The following WDTC1 variants were observed in gnomAD, a reference collection of about 807,000 sequenced individuals.
WDTC1 encodes the protein WD and tetratricopeptide repeats protein 1.
In WDTC1, 12 loss-of-function variants were observed where a neutral mutation model predicts 76.0. That is an observed-to-expected ratio of 0.16 (90% CI 0.10 to 0.26). WDTC1 has a LOEUF of 0.26. Among genes scored for constraint, WDTC1 ranks in the 10% least tolerant of loss-of-function variants. The probability of loss-of-function intolerance (pLI) is 1.00; values close to 1 mark genes in which losing one functional copy is unlikely to be tolerated. For missense variants in WDTC1, 511 were observed against 908.8 expected (o/e 0.56, Z 5.63); for synonymous variants, 326 against 350.8 (o/e 0.93, Z 0.79).
intron 3 of WDTC1, among the ~76,000 whole-genome samples, chr1:27,279,914 G>A (rs1220259370): frequency 6.6e-6 from 1 of 152,038 alleles, no homozygotes; most frequent in South Asian, 2.1e-4. Flanking sequence ...AGACATATTT[G>A]GATTTTATTT....
In WDTC1 at chr1:27,301,161, C is replaced by T. The variant is rs942875037; in HGVS notation, c.1233-65C>T. On this transcript the variant is annotated intron_variant, in intron 12 of 15. Transcript: ENST00000319394. The surrounding 1 kb of genome is among the most constrained non-coding windows in gnomAD (Gnocchi z 5.8). ...GGGTGGCCACAGGAAGCAGAGGAGA[C>T]TGAATGGGGACCCCTTGCTTGCCAC... is the stretch of plus-strand genomic sequence containing the variant. The T allele has an allele frequency of 7.5e-6, 11 of 1,475,420 alleles. No individual in the cohort carries two copies. The highest frequency in any genetic ancestry group is 1.4e-5 in the African/African-American group (1 of 71,840). The allele number at this position is 1,475,420 out of a possible 1,614,324, so 91.4% of individuals were successfully genotyped here. A position where few individuals can be genotyped will look rare whatever the true frequency, so the allele number is the denominator to read the frequency against.
At position 27,303,555 on chromosome 1, in the gene WDTC1, G is replaced by A. The variant is rs774980355; in HGVS notation, c.1469-66G>A. The A allele has an allele frequency of 4.6e-5, 70 of 1,515,898 alleles. No individual in the cohort carries two copies. The highest frequency in any genetic ancestry group is 5.5e-5 in the Non-Finnish European group (63 of 1,137,498). 93.9% of individuals were successfully genotyped at this position (1,515,898 alleles called of 1,614,324 possible). A position where few individuals can be genotyped will look rare whatever the true frequency, so the allele number is the denominator to read the frequency against. ...CTTTGGACTGAAAACAGAGCCATAG[G>A]TGGGGGAAAATAGGGAAGGAGAGAA... On this transcript the variant is annotated intron_variant, in intron 13 of 15. Coordinates refer to ENST00000319394, the MANE Select transcript of WDTC1 (RefSeq NM_001276252.2). The surrounding 1 kb of genome is among the most constrained non-coding windows in gnomAD (Gnocchi z 4.8).
chr1:27,259,073 A>G (rs1162805396), intron 1 of WDTC1, among the ~76,000 whole-genome samples: 1 of 152,256 alleles, frequency 6.6e-6, no homozygotes, highest in Non-Finnish European at 1.5e-5. Flanking sequence ...GTGCTTTTAT[A>G]GAATAATTTT....
Position 27,308,085 on chromosome 1 carries a change from C to G in WDTC1, c.*1702C>G, listed in dbSNP as rs1557514154. The G allele has an allele frequency of 6.5e-6, 1 of 152,724 alleles. No homozygotes were observed. The highest frequency in any genetic ancestry group is 1.5e-5 in the Non-Finnish European group (1 of 68,334). The allele number at this position is 152,724 out of a possible 1,614,324, so 9.5% of individuals were successfully genotyped here. A position where few individuals can be genotyped will look rare whatever the true frequency, so the allele number is the denominator to read the frequency against. On this transcript the variant is annotated 3_prime_UTR_variant, in exon 16 of 16. Coordinates refer to ENST00000319394, the MANE Select transcript of WDTC1 (RefSeq NM_001276252.2). ...GCCTCCCACCCTCCCTCCCTGCCCC[C>G]TGTCCTGCTTCCCACCCCCTGCCTG...
chr1:27,250,983 C>T (rs1329279273), intron 1 of WDTC1, among the ~76,000 whole-genome samples: 1 of 147,416 alleles, frequency 6.8e-6, no homozygotes, highest in Non-Finnish European at 1.5e-5. Context: ...TCTCCTGCCT[C>T]AGCCTCCTGA....
rs2013209505 is a variant in WDTC1, at chr1:27,282,241, T to A, written c.135T>A (p.Gly45=). The A allele has an allele frequency of 6.2e-7, 1 of 1,613,702 alleles. No homozygotes were observed. Among genetic ancestry groups the A allele is most frequent in the Non-Finnish European group, 8.5e-7 (1 of 1,179,744 alleles). The change falls in exon 4 of 16, where the codon GGT becomes GGA. Residue 45 remains glycine, a splice_region_variant and synonymous_variant. Transcript: ENST00000319394. ...TGTCTCTTCATTTGCTCCCCCAGGGTCACTCAGGATGTGTCAACTGTCTGG... is the reference window on the plus strand; with the variant it reads ...TGTCTCTTCATTTGCTCCCCCAGGGACACTCAGGATGTGTCAACTGTCTGG... ...RRLGLEAELQ[G]HSGCVNCLEW...
chr1:27,251,352 G>A (rs1331102610), intron 1 of WDTC1, among the ~76,000 whole-genome samples: 3 of 152,056 alleles, frequency 2.0e-5, no homozygotes, highest in African/African-American at 7.2e-5. Context: ...TTTGGGAGGT[G>A]TAACATCTGC....
At position 27,297,046 on chromosome 1, in the gene WDTC1, A is replaced by G; in HGVS notation, c.950-2A>G. 6.2e-7 allele frequency: 1 copy of G among 1,613,864 alleles called. No homozygotes were observed. The highest frequency in any genetic ancestry group is 8.5e-7 in the Non-Finnish European group (1 of 1,179,848). On this transcript the variant is annotated splice_acceptor_variant, in intron 10 of 15. Transcript: ENST00000319394. LOFTEE classifies it high-confidence loss of function. Reference sequence around the variant, plus strand: ...TGTCACTTTCTCACTATCTCCTGCCAGAAGTCCAGAATGGCAAGATGTCCA... The same window carrying G: ...TGTCACTTTCTCACTATCTCCTGCCGGAAGTCCAGAATGGCAAGATGTCCA...
At chr1:27,273,457 C>A (rs2012932352) in intron 3 of WDTC1, among the ~76,000 whole-genome samples, 1 of 152,074 alleles carries the variant, frequency 6.6e-6, no homozygotes, top group African/African-American at 2.4e-5. Context: ...ATCTGCCTGC[C>A]TCAGCCTCCC....
At chr1:27,299,370 C>T (rs935013300) in intron 12 of WDTC1, among the ~76,000 whole-genome samples, 1 of 152,062 alleles carries the variant, frequency 6.6e-6, no homozygotes, top group African/African-American at 2.4e-5. Context: ...AGGTAAAGGG[C>T]TGTGGGCATC....
chr1:27,299,971 C>T (rs530183023), intron 12 of WDTC1, among the ~76,000 whole-genome samples: 2 of 152,318 alleles, frequency 1.3e-5, no homozygotes, highest in East Asian at 3.9e-4. Context: ...TGGTCTGGCT[C>T]TCCCCAGGAG....
At position 27,234,887 on chromosome 1, in the gene WDTC1, C is replaced by G. The variant is rs1028574103; in HGVS notation, c.-164C>G. The stretch of plus-strand genomic sequence containing the variant: ...CCCCCCTTCCCGGGAGAGGGGCCGC[C>G]CCCCCCGGACGGACATGGGCTCCTG... On this transcript the variant is annotated 5_prime_UTR_variant, in exon 1 of 16. Transcript: ENST00000319394. The G allele has an allele frequency of 2.5e-6, 1 of 395,690 alleles. No homozygotes were observed. Among genetic ancestry groups the G allele is most frequent in the African/African-American group, 2.1e-5 (1 of 48,418 alleles). 24.5% of individuals were successfully genotyped at this position (395,690 alleles called of 1,614,324 possible). A position where few individuals can be genotyped will look rare whatever the true frequency, so the allele number is the denominator to read the frequency against.
intron 1 of WDTC1, among the ~76,000 whole-genome samples, chr1:27,259,972 G>A (rs530549446): frequency 6.6e-6 from 1 of 152,250 alleles, no homozygotes; most frequent in African/African-American, 2.4e-5. Flanking sequence ...TGGAAGTTGA[G>A]GCTACAGTGA....
chr1:27,270,827 T>G (rs2012848877), intron 3 of WDTC1, among the ~76,000 whole-genome samples: 1 of 152,236 alleles, frequency 6.6e-6, no homozygotes, highest in Non-Finnish European at 1.5e-5. Flanking sequence ...CCATTTTGTC[T>G]TCCCACTGGC....
At chr1:27,283,630 T>C (rs1291495399) in intron 5 of WDTC1, among the ~76,000 whole-genome samples, 181 bp downstream of exon 5, 2 of 152,226 alleles carry the variant, frequency 1.3e-5, no homozygotes, top group Non-Finnish European at 2.9e-5. Context: ...ATGTTCTTCT[T>C]CCTCTTTTAG....
chr1:27,276,685 T>A (rs372219305), intron 3 of WDTC1, among the ~76,000 whole-genome samples: 80 of 151,548 alleles, frequency 5.3e-4, no homozygotes, highest in Middle Eastern at 3.4e-3. Context: ...AGAGCAAGAC[T>A]TCGTCTCGAA....
chr1:27,279,299 T>G (rs142090593), intron 3 of WDTC1, among the ~76,000 whole-genome samples: 408 of 152,100 alleles, frequency 2.7e-3, no homozygotes, highest in Non-Finnish European at 4.8e-3. Context: ...TTTGAGAGGC[T>G]GAGACAGGCA....
chr1:27,287,719 G>C lies in WDTC1; in HGVS notation c.337G>C (p.Asp113His). 1 of 1,614,026 alleles carries C rather than the reference G, an allele frequency of 6.2e-7. No homozygotes were observed. The highest frequency in any genetic ancestry group is 8.5e-7 in the Non-Finnish European group (1 of 1,179,978). The change falls in exon 6 of 16, where the codon GAC (aspartate) becomes CAC (histidine). Residue 113 changes from aspartate (D) to histidine (H), a missense_variant. Asp to His is a moderately conservative substitution (Grantham distance 81). Coordinates refer to ENST00000319394, the MANE Select transcript of WDTC1 (RefSeq NM_001276252.2). The stretch of plus-strand genomic sequence containing the variant: ...CCGCATCTTGATCACGGGGGCAGCC[G>C]ACTCTAAGGTGCATGTGCACGACCT... Reference protein sequence around the residue: ...GDRILITGAADSKVHVHDLTV... With the variant: ...GDRILITGAAHSKVHVHDLTV...
chr1:27,258,598 C>T (rs1212393950), intron 1 of WDTC1, among the ~76,000 whole-genome samples: 1 of 151,548 alleles, frequency 6.6e-6, no homozygotes, highest in African/African-American at 2.4e-5. Flanking sequence ...AGCTTGTTAT[C>T]CCAAAATTGA....
Sources: allele counts gnomAD v4.1 joint callset (sites outside exome capture counted in the v4.1 genomes callset), GRCh38; gene constraint gnomAD v4.1.1; non-coding constraint Gnocchi (gnomAD v3.1); transcripts MANE v1.5; gene names NCBI Gene and HGNC (gene_info 2026-07-23, HGNC 2026-07-21).